SLC68A1: variants seen among roughly 807,000 people sequenced by gnomAD.
SLC68A1 encodes solute carrier family 68 member 1.
At chr10:102,473,387 A>G in the SLC68A1 span, among the ~76,000 whole-genome samples, 1 of 152,108 alleles carries the variant, frequency 6.6e-6, no homozygotes, top group Admixed American at 6.5e-5. Flanking sequence ...CTCATCCGTA[A>G]AGTGGGGATG....
At chr10:102,462,655 G>T in the SLC68A1 span, among the ~76,000 whole-genome samples, 1 of 152,040 alleles carries the variant, frequency 6.6e-6, no homozygotes, top group Non-Finnish European at 1.5e-5. Flanking sequence ...CTGCTAGAGG[G>T]CTTCTTCCAA....
At chr10:102,470,800 G>A in the SLC68A1 span, 46 of 1,613,964 alleles carry the variant, frequency 2.9e-5, no homozygotes, top group Admixed American at 7.5e-4. Context: ...AGTTCTTGCT[G>A]TGCCTGTGCC....
chr10:102,470,664 G>C, the SLC68A1 span: 1 of 1,604,768 alleles, frequency 6.2e-7, no homozygotes, highest in Non-Finnish European at 8.5e-7. Flanking sequence ...TTCCCCGGCA[G>C]GTCAGGCGCC....
chr10:102,472,301 T>G, the SLC68A1 span: 19 of 295,146 alleles, frequency 6.4e-5, no homozygotes, highest in Non-Finnish European at 1.3e-4. Context: ...CTCACTTTGT[T>G]GCCCAGGCTG....
chr10:102,468,899 G>A, the SLC68A1 span: 1 of 688,880 alleles, frequency 1.5e-6, no homozygotes, highest in Non-Finnish European at 2.4e-6. Context: ...AGAGGTCTGG[G>A]GTTAAGAACA....
the SLC68A1 span, chr10:102,470,928 C>T: frequency 3.7e-6 from 6 of 1,613,376 alleles, no homozygotes; most frequent in Non-Finnish European, 4.2e-6. Flanking sequence ...TTCAGCGCGG[C>T]CGGCTCCCTC....
the SLC68A1 span, chr10:102,475,606 G>A: frequency 1.6e-6 from 2 of 1,220,064 alleles, no homozygotes; most frequent in East Asian, 2.5e-5. Flanking sequence ...GGAATCAGGA[G>A]TTGTGGTCTG....
the SLC68A1 span, among the ~76,000 whole-genome samples, chr10:102,463,105 G>A: frequency 6.6e-6 from 1 of 151,936 alleles, no homozygotes; most frequent in Non-Finnish European, 1.5e-5. Flanking sequence ...GATTGACTGA[G>A]CAAGCTGAGG....
the SLC68A1 span, among the ~76,000 whole-genome samples, chr10:102,464,886 A>C: frequency 6.6e-6 from 1 of 151,982 alleles, no homozygotes; most frequent in Non-Finnish European, 1.5e-5. Context: ...TGGGAGGCCG[A>C]GGCAGGTAAA....
chr10:102,471,376 G>T, the SLC68A1 span: 1 of 1,613,174 alleles, frequency 6.2e-7, no homozygotes, highest in South Asian at 1.1e-5. Flanking sequence ...CCTGTGGTTC[G>T]TGAGCATGGA....
chr10:102,472,838 C>A, the SLC68A1 span: 1 of 1,608,024 alleles, frequency 6.2e-7, no homozygotes, highest in Non-Finnish European at 8.5e-7. Context: ...TCCTCACCAT[C>A]CCTGTCGGGT....
the SLC68A1 span, chr10:102,476,398 T>A: frequency 2.0e-6 from 1 of 502,504 alleles, no homozygotes; most frequent in Non-Finnish European, 2.6e-6. Flanking sequence ...AGAGACAGGG[T>A]TTCACCACAT....
the SLC68A1 span, among the ~76,000 whole-genome samples, chr10:102,463,593 G>A: frequency 6.6e-6 from 1 of 150,484 alleles, no homozygotes; most frequent in Non-Finnish European, 1.5e-5. Flanking sequence ...CGTGACACTG[G>A]ATGAGCAGGA....
At chr10:102,470,845 C>T in the SLC68A1 span, 1 of 1,613,560 alleles carries the variant, frequency 6.2e-7, no homozygotes, top group Non-Finnish European at 8.5e-7. Context: ...TGGACCTGCA[C>T]CACCATGCCT....
the SLC68A1 span, chr10:102,473,060 C>T: frequency 9.9e-5 from 86 of 868,842 alleles, 1 homozygote; most frequent in Admixed American, 1.6e-3. Flanking sequence ...TTTCCCGACC[C>T]AGTGATCCAC....
the SLC68A1 span, chr10:102,471,365 TC>T: frequency 6.2e-7 from 1 of 1,613,406 alleles, no homozygotes; most frequent in Non-Finnish European, 8.5e-7. Context: ...CATCGGAACT[TC>T]CTGTGGTTCG....
the SLC68A1 span, among the ~76,000 whole-genome samples, chr10:102,466,733 C>G: frequency 1.3e-5 from 2 of 152,120 alleles, no homozygotes; most frequent in African/African-American, 2.4e-5. Flanking sequence ...CAGGGCTCAC[C>G]TTCTCCAGCA....
At chr10:102,468,960 A>G in the SLC68A1 span, 1 of 1,398,024 alleles carries the variant, frequency 7.2e-7, no homozygotes, top group Non-Finnish European at 9.8e-7. Flanking sequence ...CCCAGGGACG[A>G]GGATGGGAAG....
chr10:102,462,996 G>A, the SLC68A1 span, among the ~76,000 whole-genome samples: 3 of 152,206 alleles, frequency 2.0e-5, 1 homozygote, highest in South Asian at 6.2e-4. Context: ...GGCACAGTGG[G>A]GTCTGAAGAT....
Sources: gnomAD v4.1 joint callset for allele counts (sites outside exome capture counted in the v4.1 genomes callset) on GRCh38, gnomAD v4.1.1 for gene constraint, MANE v1.5 for transcripts, NCBI Gene and HGNC (gene_info 2026-07-23, HGNC 2026-07-21) for gene names.